WWOX: variants seen among roughly 807,000 people sequenced by gnomAD.
WWOX encodes the protein WW domain containing oxidoreductase, also known as WW domain-containing oxidoreductase.
A neutral mutation model predicts 46.2 loss-of-function variants in WWOX; 69 were observed. The ratio of observed to expected loss-of-function variants is 1.49; its 90% CI spans 1.23 to 1.82. The LOEUF (loss-of-function observed/expected upper bound fraction) is 1.82. Among genes scored for constraint, WWOX ranks in the 40% most tolerant of loss-of-function variants. The pLI is 0.00. For synonymous variants in WWOX, 359 were observed against 202.6 expected, an observed-to-expected ratio of 1.77 and a Z score of -6.56; for missense variants, 919 against 542.6, an observed-to-expected ratio of 1.69 and a Z score of -6.89.
intron 8 of WWOX, among the ~76,000 whole-genome samples, chr16:78,519,444 G>A (rs1349980334): frequency 1.3e-5 from 2 of 151,886 alleles, no homozygotes; most frequent in Non-Finnish European, 2.9e-5. Context: ...ACAGTCTAAT[G>A]TGTTTCCTTC....
chr16:78,121,660 G>A lies in WWOX; in HGVS notation c.409+6506G>A, dbSNP rs577965549. ...ACAGTAGTCCCCCCTTATCCGTGGT[G>A]TTTCAGTTTTTTTTTTTTTGAGTCA... On this transcript the variant is annotated intron_variant, in intron 4 of 8. Transcript: ENST00000566780. 5.2e-4 allele frequency among the ~76,000 whole-genome samples: 79 copies of A among 150,784 alleles called. No individual in the cohort carries two copies. The Middle Eastern group carries it at 0.011, about 20-fold the overall frequency.
chr16:79,105,849 T>C (rs2049297869), intron 8 of WWOX: 1 of 152,112 alleles, frequency 6.6e-6, no homozygotes, highest in Non-Finnish European at 1.5e-5. Context: ...GTGTTGCTAT[T>C]TTTATTAGAA....
At chr16:78,641,276 C>T (rs1243549355) in intron 8 of WWOX, among the ~76,000 whole-genome samples, 6 of 151,972 alleles carry the variant, frequency 3.9e-5, no homozygotes, top group Non-Finnish European at 8.8e-5. Context: ...AGCCCCCAGA[C>T]CGGAGCCACA....
chr16:78,963,759 C>T (rs758412182), intron 8 of WWOX, among the ~76,000 whole-genome samples: 1 of 152,126 alleles, frequency 6.6e-6, no homozygotes, highest in Non-Finnish European at 1.5e-5. Context: ...AGAAAGTGGG[C>T]CTTAAAGGTG....
At chr16:79,045,094 C>T (rs1280826234) in intron 8 of WWOX, among the ~76,000 whole-genome samples, 3 of 152,186 alleles carry the variant, frequency 2.0e-5, no homozygotes, top group Admixed American at 1.3e-4. Flanking sequence ...TTAGATTTTG[C>T]CTCAAATTTT....
At chr16:78,984,485 G>A (rs886452859) in intron 8 of WWOX, among the ~76,000 whole-genome samples, 1 of 152,196 alleles carries the variant, frequency 6.6e-6, no homozygotes, top group African/African-American at 2.4e-5. Context: ...GATGGGTGTG[G>A]CCGTGTGCCA....
At chr16:78,508,106 C>T (rs2085262113) in intron 8 of WWOX, among the ~76,000 whole-genome samples, 1 of 151,784 alleles carries the variant, frequency 6.6e-6, no homozygotes, top group Admixed American at 6.6e-5. Context: ...CTCCCAGGTT[C>T]AAGCAATTCT....
rs147670167 is a variant in WWOX, at chr16:79,170,966, A to T, written c.1057-40642A>T. 2.6e-5 allele frequency among the ~76,000 whole-genome samples: 4 copies of T among 152,250 alleles called. No individual in the cohort carries two copies. The East Asian group carries it at 5.8e-4, about 22-fold the overall frequency. ...CTTATCTAAATATTCCTGCATGCACACTCCCCAATCTAAGAAAAATGTGAG... is the reference window on the plus strand; with the variant it reads ...CTTATCTAAATATTCCTGCATGCACTCTCCCCAATCTAAGAAAAATGTGAG... On this transcript the variant is annotated intron_variant, in intron 8 of 8. Coordinates refer to ENST00000566780, the MANE Select transcript of WWOX (RefSeq NM_016373.4).
chr16:78,633,707 G>A (rs1423090832), intron 8 of WWOX, among the ~76,000 whole-genome samples: 1 of 152,138 alleles, frequency 6.6e-6, no homozygotes, highest in Non-Finnish European at 1.5e-5. Flanking sequence ...GCTGTGAAGT[G>A]CAAAGTTGGG....
At chr16:79,125,644 C>G (rs539417749) in intron 8 of WWOX, among the ~76,000 whole-genome samples, 1 of 152,076 alleles carries the variant, frequency 6.6e-6, no homozygotes, top group East Asian at 1.9e-4. Flanking sequence ...AAGTTCTGGG[C>G]CATAACTCTA....
Position 78,634,455 on chromosome 16 carries a change from C to G in WWOX, c.1056+201703C>G, listed in dbSNP as rs1316680669. 2.0e-5 allele frequency among the ~76,000 whole-genome samples: 3 copies of G among 152,238 alleles called. No individual in the cohort carries two copies. In the East Asian group the frequency reaches 5.8e-4, roughly 29 times the overall value. ...GGGCGCAGTGGCTCATGCCTGTAATCCCAGCACTTTGGGAGGGCGAGGCGG... is the reference window on the plus strand; with the variant it reads ...GGGCGCAGTGGCTCATGCCTGTAATGCCAGCACTTTGGGAGGGCGAGGCGG... On this transcript the variant is annotated intron_variant, in intron 8 of 8. Coordinates refer to ENST00000566780, the MANE Select transcript of WWOX (RefSeq NM_016373.4).
intron 8 of WWOX, among the ~76,000 whole-genome samples, chr16:78,795,043 C>G (rs1405321374): frequency 6.6e-6 from 1 of 152,128 alleles, no homozygotes; most frequent in Non-Finnish European, 1.5e-5. Flanking sequence ...GGCGATTTTT[C>G]CAGCCAACTC....
rs905629789 is a variant in WWOX at position 78,723,662 on chromosome 16, T to A, written c.1056+290910T>A. ...TTCTTTTCTTTTCTACCTCTCGGGA[T>A]TCTGAGAGCATCCTGTAATGTTGGA... On this transcript the variant is annotated intron_variant, in intron 8 of 8. Coordinates refer to ENST00000566780, the MANE Select transcript of WWOX (RefSeq NM_016373.4). Among the ~76,000 whole-genome samples the A allele has an allele frequency of 2.7e-5, 4 of 150,348 alleles. No homozygotes were observed. In the East Asian group the frequency reaches 7.8e-4, roughly 29 times the overall value.
chr16:78,780,287 C>T (rs186920780), intron 8 of WWOX: 1 of 152,234 alleles, frequency 6.6e-6, no homozygotes, highest in East Asian at 1.9e-4. Context: ...TTGTCTTCCC[C>T]GACTCAAGAA....
chr16:78,181,544 C>T (rs2035532948), intron 5 of WWOX, among the ~76,000 whole-genome samples: 1 of 152,204 alleles, frequency 6.6e-6, no homozygotes, highest in Non-Finnish European at 1.5e-5. Context: ...GAGCGGGTGG[C>T]ACACTCCGTG....
chr16:78,820,335 C>G (rs566514150), intron 8 of WWOX, among the ~76,000 whole-genome samples: 13 of 152,286 alleles, frequency 8.5e-5, no homozygotes. Flanking sequence ...TGCCCTCCAA[C>G]AGTGGAAGTG....
intron 8 of WWOX, among the ~76,000 whole-genome samples, chr16:79,167,640 C>G (rs573033422): frequency 2.0e-5 from 3 of 152,288 alleles, no homozygotes; most frequent in South Asian, 2.1e-4. Context: ...CCAAGGTTAT[C>G]CAAGTCAAAT....
chr16:78,744,664 T>C (rs2049306955), intron 8 of WWOX, among the ~76,000 whole-genome samples: 1 of 152,122 alleles, frequency 6.6e-6, no homozygotes, highest in Non-Finnish European at 1.5e-5. Flanking sequence ...ATTCTTGACC[T>C]TAAGTGATCC....
intron 5 of WWOX, among the ~76,000 whole-genome samples, chr16:78,325,428 C>G (rs2080589314): frequency 1.3e-5 from 2 of 151,952 alleles, no homozygotes; most frequent in Non-Finnish European, 2.9e-5. Context: ...GAAAAATTGC[C>G]TTTTTAACTG....
Sources: gnomAD v4.1 joint callset for allele counts (sites outside exome capture counted in the v4.1 genomes callset) on GRCh38, gnomAD v4.1.1 for gene constraint, MANE v1.5 for transcripts, NCBI Gene and HGNC (gene_info 2026-07-23, HGNC 2026-07-21) for gene names.